DACH1: variants seen among roughly 807,000 people sequenced by gnomAD.
DACH1 encodes dachshund family transcription factor 1, also known as dachshund homolog 1.
Under a neutral mutation model 54.2 loss-of-function variants are expected in DACH1, and 12 were observed. The ratio of observed to expected loss-of-function variants is 0.22; its 90% CI spans 0.14 to 0.36. The LOEUF is 0.36. Among genes scored for constraint, DACH1 ranks in the 10% least tolerant of loss-of-function variants. The pLI, the probability that DACH1 is intolerant of heterozygous loss-of-function variation, is 1.00. For missense variants in DACH1, 805 were observed against 929.8 expected, an observed-to-expected ratio of 0.87 and a Z score of 1.75; for synonymous variants, 386 against 366.2, an observed-to-expected ratio of 1.05 and a Z score of -0.62.
chr13:71,622,448 T>C (rs1003929013), intron 3 of DACH1, among the ~76,000 whole-genome samples: 1 of 152,078 alleles, frequency 6.6e-6, no homozygotes, highest in South Asian at 2.1e-4. Flanking sequence ...TAATCCCTCA[T>C]CATCAATCAT....
intron 6 of DACH1, among the ~76,000 whole-genome samples, chr13:71,529,352 A>G (rs1338789802): frequency 2.0e-5 from 3 of 151,720 alleles, no homozygotes; most frequent in Non-Finnish European, 2.9e-5. Context: ...ACGCCCAGCT[A>G]TTTTTTGTAT....
At chr13:71,477,335 A>C (rs191628912) in intron 8 of DACH1, among the ~76,000 whole-genome samples, 189 of 151,376 alleles carry the variant, frequency 1.2e-3, no homozygotes, top group Non-Finnish European at 2.0e-3. Flanking sequence ...GTTAGCCAGG[A>C]TGGTCTGGAT....
intron 3 of DACH1, among the ~76,000 whole-genome samples, chr13:71,583,696 C>A (rs1267592657): frequency 3.9e-5 from 6 of 151,938 alleles, no homozygotes; most frequent in Non-Finnish European, 8.8e-5. Context: ...CAAAAATTAG[C>A]CGGACATGGT....
At chr13:71,615,084 T>C (rs1364034923) in intron 3 of DACH1, among the ~76,000 whole-genome samples, 1 of 152,084 alleles carries the variant, frequency 6.6e-6, no homozygotes, top group Non-Finnish European at 1.5e-5. Flanking sequence ...TATTTTAAGA[T>C]TATCCCATGT....
chr13:71,478,769 G>C (rs544491020), intron 8 of DACH1, among the ~76,000 whole-genome samples: 7 of 152,196 alleles, frequency 4.6e-5, no homozygotes, highest in African/African-American at 1.7e-4. Flanking sequence ...TAGTAAACCT[G>C]CTTCACTTGA....
At chr13:71,725,996 T>A (rs1263150625) in intron 1 of DACH1, among the ~76,000 whole-genome samples, 2 of 152,108 alleles carry the variant, frequency 1.3e-5, no homozygotes, top group Non-Finnish European at 2.9e-5. Context: ...GGAGAACCTG[T>A]TGAAAGTTAC....
intron 1 of DACH1, among the ~76,000 whole-genome samples, chr13:71,732,846 C>A (rs781353278): frequency 7.2e-5 from 11 of 152,252 alleles, no homozygotes; most frequent in Non-Finnish European, 1.5e-4. Context: ...TTGTCAATCA[C>A]TCCCCTATAG....
At position 71,473,680 on chromosome 13, in the gene DACH1, T is replaced by G. The variant is rs139312856; in HGVS notation, c.2083+1461A>C. 1.8e-3 allele frequency among the ~76,000 whole-genome samples: 271 copies of G among 152,290 alleles called. 1 individual carries two copies. The highest frequency in any genetic ancestry group is 3.5e-3 in the Admixed American group (53 of 15,298). ...CTCTCATTTATATGCAGGACGATAT[T>G]GTTTCAATTTTTTCTAGATTGACTT... On this transcript the variant is annotated intron_variant, in intron 10 of 10. Coordinates refer to ENST00000613252, the MANE Select transcript of DACH1 (RefSeq NM_080759.6).
chr13:71,570,511 A>C (rs1471572008), intron 4 of DACH1, among the ~76,000 whole-genome samples: 2 of 152,122 alleles, frequency 1.3e-5, no homozygotes, highest in African/African-American at 4.8e-5. Context: ...ATTGTTCCCT[A>C]TTTGGCTGCT....
intron 1 of DACH1, among the ~76,000 whole-genome samples, chr13:71,700,988 A>T (rs1037125533): frequency 6.6e-6 from 1 of 152,170 alleles, no homozygotes; most frequent in African/African-American, 2.4e-5. Context: ...AGAATAAAAA[A>T]CACAAAACCA....
intron 1 of DACH1, among the ~76,000 whole-genome samples, chr13:71,791,160 A>C (rs1209370319): frequency 6.6e-6 from 1 of 152,124 alleles, no homozygotes; most frequent in Admixed American, 6.6e-5. Context: ...CCTTTAGTCA[A>C]ATCTAGATTC....
At chr13:71,665,260 A>C (rs1361774568) in intron 2 of DACH1, among the ~76,000 whole-genome samples, 13 of 151,962 alleles carry the variant, frequency 8.6e-5, no homozygotes, top group Non-Finnish European at 2.9e-5. Context: ...CACTCAATAA[A>C]GTAATAGCTA....
intron 1 of DACH1, among the ~76,000 whole-genome samples, chr13:71,693,874 T>C (rs573626221): frequency 3.3e-5 from 5 of 152,298 alleles, no homozygotes; most frequent in Admixed American, 1.3e-4. Flanking sequence ...CTATCACACT[T>C]GCAAGCAACC....
intron 1 of DACH1, among the ~76,000 whole-genome samples, chr13:71,836,267 A>G (rs1057159042): frequency 1.7e-4 from 26 of 152,074 alleles, no homozygotes; most frequent in African/African-American, 6.0e-4. Flanking sequence ...TTCCAAAAAA[A>G]AAGACTAAAA....
chr13:71,833,593 T>C (rs1888671768), intron 1 of DACH1, among the ~76,000 whole-genome samples: 1 of 151,950 alleles, frequency 6.6e-6, no homozygotes, highest in African/African-American at 2.4e-5. Context: ...AATATCACAA[T>C]TCAGAGCCCA....
intron 10 of DACH1, among the ~76,000 whole-genome samples, chr13:71,444,638 T>C (rs1448014985): frequency 2.0e-5 from 3 of 152,218 alleles, no homozygotes; most frequent in African/African-American, 7.2e-5. Context: ...TCATCTGTGA[T>C]CTGCAGTATA....
At chr13:71,671,453 A>G (rs2138676881) in intron 2 of DACH1, among the ~76,000 whole-genome samples, 1 of 152,198 alleles carries the variant, frequency 6.6e-6, no homozygotes, top group East Asian at 1.9e-4. Context: ...GTAGGAATGA[A>G]TATATGAACA....
At chr13:71,607,456 T>C (rs34571622) in intron 3 of DACH1, among the ~76,000 whole-genome samples, 4,945 of 152,044 alleles carry the variant, frequency 0.033, 201 homozygotes, top group Admixed American at 0.079. Flanking sequence ...ATTTCTGATA[T>C]CGCTGTTACA....
intron 1 of DACH1, among the ~76,000 whole-genome samples, chr13:71,783,647 G>T (rs1052108771): frequency 6.6e-6 from 1 of 152,002 alleles, no homozygotes; most frequent in African/African-American, 2.4e-5. Context: ...AGAAGGAATG[G>T]TTACAATAGA....
Sources: gnomAD v4.1 joint callset for allele counts (sites outside exome capture counted in the v4.1 genomes callset) on GRCh38, gnomAD v4.1.1 for gene constraint, MANE v1.5 for transcripts, NCBI Gene and HGNC (gene_info 2026-07-23, HGNC 2026-07-21) for gene names.